The following PLEKHS1 variants were observed in gnomAD, a reference collection of about 807,000 sequenced individuals.
The protein encoded by PLEKHS1 is pleckstrin homology domain-containing family S member 1.
In PLEKHS1, 55 loss-of-function variants were observed where a neutral mutation model predicts 51.0. The ratio of observed to expected loss-of-function variants is 1.08; its 90% CI spans 0.87 to 1.35. The LOEUF (loss-of-function observed/expected upper bound fraction) is 1.35, where lower values mean the gene tolerates loss of function less well. Ranked by LOEUF, PLEKHS1 falls within the 40% of genes most tolerant of loss-of-function variation. The pLI is 0.00. For synonymous variants in PLEKHS1, 153 were observed against 144.8 expected (o/e 1.06, Z -0.41); for missense variants, 398 against 423.0 (o/e 0.94, Z 0.52).
chr10:113,773,129 A>C (rs1050326757), intron 8 of PLEKHS1, among the ~76,000 whole-genome samples: 2 of 152,248 alleles, frequency 1.3e-5, no homozygotes, highest in African/African-American at 4.8e-5. Flanking sequence ...GGAAACACCC[A>C]GTTAAAATAA....
At chr10:113,765,481 ACT>A (rs1844121154) in intron 2 of PLEKHS1, 2 of 752,808 alleles carry the variant, frequency 2.7e-6, no homozygotes, top group South Asian at 1.4e-5. Context: ...GTTAATCGAC[ACT>A]CTTGAATACT....
exon 7 of PLEKHS1, chr10:113,769,820 T>C (rs1436713325): frequency 6.2e-7 from 1 of 1,614,064 alleles, no homozygotes; most frequent in Admixed American, 1.7e-5. Context: ...AACCCTCTTC[T>C]ACTCCAGCCC....
chr10:113,756,932 T>TC (rs1854143986), intron 2 of PLEKHS1, among the ~76,000 whole-genome samples: 2 of 149,850 alleles, frequency 1.3e-5, no homozygotes, highest in African/African-American at 4.9e-5. Context: ...TTTTTTTTTT[T>TC]TTGAGACGGA....
chr10:113,757,881 T>G (rs1461803453), intron 2 of PLEKHS1, among the ~76,000 whole-genome samples: 1 of 152,266 alleles, frequency 6.6e-6, no homozygotes, highest in Non-Finnish European at 1.5e-5. Flanking sequence ...CAGCTGTAGA[T>G]TCCATCTCAA....
At position 113,766,657 on chromosome 10, in the gene PLEKHS1, A is replaced by G. The variant is rs774373925; in HGVS notation, c.163A>G (p.Lys55Glu). ...TTTCATCCTGTCAAAGGCTGGGGAA[A>G]AGAGCTTTAGTCTTTCCTATTATAA... The change falls in exon 4 of 12, where the codon AAG becomes GAG. Residue 55 changes from lysine (K) to glutamate (E), a missense_variant. Lys to Glu is a moderately conservative substitution (Grantham distance 56, BLOSUM62 1). Coordinates refer to ENST00000361048, the Ensembl canonical transcript of PLEKHS1. The G allele has an allele frequency of 2.6e-5, 42 of 1,613,100 alleles. No homozygotes were observed. The highest frequency in any genetic ancestry group is 3.3e-4 in the Middle Eastern group (2 of 6,078).
intron 2 of PLEKHS1, among the ~76,000 whole-genome samples, chr10:113,758,001 GTTCTCTTGTTATT>G (rs1159191378): frequency 6.6e-6 from 1 of 152,064 alleles, no homozygotes; most frequent in East Asian, 1.9e-4. Flanking sequence ...TCTAATTCTA[GTTCTCTTGTTATT>G]TTCACCACAT....
chr10:113,782,895 CA>C (rs1452329696), downstream of PLEKHS1: 2 of 152,092 alleles, frequency 1.3e-5, no homozygotes, highest in Non-Finnish European at 2.9e-5. Context: ...CACAAATACA[CA>C]AAGATACATG....
chr10:113,774,194 T>G (rs1844544088), intron 8 of PLEKHS1, 33 bp from the exon 9 acceptor site: 1 of 1,347,918 alleles, frequency 7.4e-7, no homozygotes, highest in Non-Finnish European at 1.1e-6. Flanking sequence ...ATCGGTAAAC[T>G]GGGATTCTTA....
At chr10:113,763,322 G>C (rs1209476182) in intron 2 of PLEKHS1, among the ~76,000 whole-genome samples, 3 of 152,090 alleles carry the variant, frequency 2.0e-5, no homozygotes, top group African/African-American at 7.2e-5. Context: ...TAACCCACTT[G>C]TATCTTCATC....
intron 9 of PLEKHS1, 66 bp downstream of exon 9, chr10:113,774,399 A>T: frequency 1.1e-6 from 1 of 935,888 alleles, no homozygotes; most frequent in East Asian, 2.5e-5. Context: ...AATGATTGTC[A>T]GTTCATTTCA....
At chr10:113,753,895 C>T (rs544466393) in intron 1 of PLEKHS1, among the ~76,000 whole-genome samples, 2 of 152,082 alleles carry the variant, frequency 1.3e-5, no homozygotes, top group Non-Finnish European at 2.9e-5. Context: ...ACTACCTCTG[C>T]CTTCTGGGTT....
At chr10:113,779,297 G>A (rs1279573301) in intron 11 of PLEKHS1, among the ~76,000 whole-genome samples, 1 of 152,188 alleles carries the variant, frequency 6.6e-6, no homozygotes, top group African/African-American at 2.4e-5. Flanking sequence ...TGGGCTGGGT[G>A]TGGTGGCTCA....
chr10:113,778,848 G>A (rs921746659), intron 11 of PLEKHS1, among the ~76,000 whole-genome samples: 1 of 151,922 alleles, frequency 6.6e-6, no homozygotes, highest in Non-Finnish European at 1.5e-5. Flanking sequence ...TTTCACCGTG[G>A]TCTCAATCTC....
At position 113,766,410 on chromosome 10, in the gene PLEKHS1, G is replaced by A. The variant is rs755871581; in HGVS notation, c.29-1G>A. ...AACTGAGTTCTGTTCACTTTTATTA[G>A]GCAAACAATTTACATTTTCTTATGA... On this transcript the variant is annotated splice_acceptor_variant, in intron 2 of 11. Coordinates refer to ENST00000361048, the Ensembl canonical transcript of PLEKHS1. LOFTEE classifies it high-confidence loss of function. 7.8e-6 allele frequency: 12 copies of A among 1,545,868 alleles called. No homozygotes were observed. The highest frequency in any genetic ancestry group is 1.4e-5 in the African/African-American group (1 of 72,878).
chr10:113,774,841 A>C, exon 10 of PLEKHS1: 1 of 1,613,816 alleles, frequency 6.2e-7, no homozygotes, highest in Non-Finnish European at 8.5e-7. Context: ...TCAAAGAGAC[A>C]TCCCATGAGT....
chr10:113,781,613 C>T (rs1844873214), exon 12 of PLEKHS1: 1 of 105,380 alleles, frequency 9.5e-6, no homozygotes, highest in Non-Finnish European at 2.0e-5. Context: ...ACACCTCCTT[C>T]CCCAACACCT....
chr10:113,783,334 T>C (rs534572302), downstream of PLEKHS1: 56 of 152,280 alleles, frequency 3.7e-4, no homozygotes, highest in African/African-American at 1.3e-3. Context: ...TTCTGTAAAA[T>C]TGTTCGTGAT....
rs1013921881 is a variant in PLEKHS1, at chr10:113,754,575, C to T, written c.-19-684C>T. On this transcript the variant is annotated intron_variant, in intron 1 of 11. Coordinates refer to ENST00000361048, the Ensembl canonical transcript of PLEKHS1. ...GCAACCTCCGCCTCCCGGGTTCAAG[C>T]GACTCTCCTACCTCAGCCTCCTGAG... Among the ~76,000 whole-genome samples, 9 of 152,128 alleles carry T rather than the reference C, an allele frequency of 5.9e-5. No homozygotes were observed. In the East Asian group the frequency reaches 1.2e-3, roughly 20 times the overall value.
chr10:113,752,730 T>G (rs1853904585), intron 1 of PLEKHS1, among the ~76,000 whole-genome samples: 2 of 152,174 alleles, frequency 1.3e-5, no homozygotes, highest in Non-Finnish European at 2.9e-5. Context: ...GTCCTCTCAT[T>G]TTACGGTGGG....
Sources: allele counts gnomAD v4.1 joint callset (sites outside exome capture counted in the v4.1 genomes callset), GRCh38; gene constraint gnomAD v4.1.1; transcripts MANE v1.5; gene names NCBI Gene and HGNC (gene_info 2026-07-23, HGNC 2026-07-21).